The following KIAA0825 variants were observed in gnomAD, a reference collection of about 807,000 sequenced individuals.
KIAA0825 encodes the protein KIAA0825.
Under a neutral mutation model 147.6 loss-of-function variants are expected in KIAA0825, and 119 were observed. The ratio of observed to expected loss-of-function variants is 0.81; its 90% CI spans 0.69 to 0.94. The LOEUF (loss-of-function observed/expected upper bound fraction) is 0.94. Ranked by LOEUF, KIAA0825 falls within the 40% of genes least tolerant of loss-of-function variation. The pLI is 0.00. For synonymous variants in KIAA0825, 470 were observed against 518.1 expected (o/e 0.91, Z 1.26); for missense variants, 1,381 against 1,472.7 (o/e 0.94, Z 1.02).
intron 20 of KIAA0825, among the ~76,000 whole-genome samples, chr5:94,290,971 G>C (rs1777863561): frequency 6.6e-6 from 1 of 152,040 alleles, no homozygotes; most frequent in African/African-American, 2.4e-5. Context: ...CCCACTTTTT[G>C]ATACAGTTGT....
intron 20 of KIAA0825, among the ~76,000 whole-genome samples, chr5:94,212,183 A>C (rs1330098139): frequency 1.3e-5 from 2 of 152,218 alleles, no homozygotes; most frequent in African/African-American, 4.8e-5. Context: ...TGCCTGAAAG[A>C]AGAAATATTT....
At chr5:94,551,410 T>C (rs923052449) in intron 2 of KIAA0825, among the ~76,000 whole-genome samples, 2 of 152,014 alleles carry the variant, frequency 1.3e-5, no homozygotes, top group Non-Finnish European at 2.9e-5. Flanking sequence ...CCCTGAGGCA[T>C]ATAGTAGTGA....
At chr5:94,383,416 C>T (rs977774587) in intron 20 of KIAA0825, among the ~76,000 whole-genome samples, 1 of 152,058 alleles carries the variant, frequency 6.6e-6, no homozygotes, top group African/African-American at 2.4e-5. Flanking sequence ...AATGATTTGA[C>T]AATTCTACTA....
In KIAA0825 at chr5:94,153,351, GGCA is replaced by G. The variant is rs1309396996; in HGVS notation, c.*653_*655del. 6.6e-6 allele frequency: 1 copy of G among 152,018 alleles called. No individual in the cohort carries two copies. The highest frequency in any genetic ancestry group is 1.5e-5 in the Non-Finnish European group (1 of 68,006). 9.4% of individuals were successfully genotyped at this position (152,018 alleles called of 1,614,324 possible). A position where few individuals can be genotyped will look rare whatever the true frequency, so the allele number is the denominator to read the frequency against. On this transcript the variant is annotated 3_prime_UTR_variant, in exon 21 of 21. Coordinates refer to ENST00000682413, the MANE Select transcript of KIAA0825 (RefSeq NM_001145678.3). ...AGCATGTGACTTGAACCAAGAGGAT[GGCA>G]AGCAATTGTCTGAACATGGAGCCAT...
chr5:94,244,401 T>C (rs1176451045), intron 20 of KIAA0825, among the ~76,000 whole-genome samples: 1 of 152,148 alleles, frequency 6.6e-6, no homozygotes, highest in East Asian at 1.9e-4. Context: ...GCCATGATCA[T>C]AGCTCACTGT....
chr5:94,170,781 G>A (rs1289616640), intron 20 of KIAA0825, among the ~76,000 whole-genome samples: 1 of 152,206 alleles, frequency 6.6e-6, no homozygotes, highest in African/African-American at 2.4e-5. Context: ...TCACAAAACA[G>A]GCCCTGGATC....
intron 2 of KIAA0825, among the ~76,000 whole-genome samples, chr5:94,574,843 A>C (rs1186709970): frequency 6.6e-6 from 1 of 152,128 alleles, no homozygotes; most frequent in Non-Finnish European, 1.5e-5. Flanking sequence ...CTCCTGCCTC[A>C]GCCTCACAAA....
chr5:94,217,109 G>A (rs1225028674), intron 20 of KIAA0825, among the ~76,000 whole-genome samples: 1 of 152,136 alleles, frequency 6.6e-6, no homozygotes, highest in Non-Finnish European at 1.5e-5. Context: ...ACATGTAGGA[G>A]TTGAGTATGA....
At chr5:94,348,638 T>G (rs1783282706) in intron 20 of KIAA0825, among the ~76,000 whole-genome samples, 1 of 152,068 alleles carries the variant, frequency 6.6e-6, no homozygotes, top group African/African-American at 2.4e-5. Flanking sequence ...TTCATGCAAA[T>G]GGACACCAAA....
At chr5:94,239,652 A>G (rs1429419636) in intron 20 of KIAA0825, among the ~76,000 whole-genome samples, 2 of 152,242 alleles carry the variant, frequency 1.3e-5, no homozygotes, top group African/African-American at 4.8e-5. Context: ...AAGTAAATAC[A>G]TGAGGTTTGA....
intron 20 of KIAA0825, among the ~76,000 whole-genome samples, chr5:94,250,478 A>G (rs1422289650): frequency 1.3e-5 from 2 of 152,162 alleles, no homozygotes; most frequent in African/African-American, 4.8e-5. Context: ...GAGTAGTTAT[A>G]TAACAAAAAA....
intron 13 of KIAA0825, among the ~76,000 whole-genome samples, chr5:94,445,574 A>G (rs1175938861): frequency 6.6e-6 from 1 of 152,154 alleles, no homozygotes; most frequent in Non-Finnish European, 1.5e-5. Context: ...GAACTGAATC[A>G]CTCCTAGGCT....
intron 2 of KIAA0825, among the ~76,000 whole-genome samples, chr5:94,563,564 G>C (rs1157606658): frequency 1.3e-5 from 2 of 152,124 alleles, no homozygotes; most frequent in Middle Eastern, 3.2e-3. Flanking sequence ...AGAAATATTA[G>C]AATAAAAGTT....
chr5:94,520,824 T>C lies in KIAA0825; in HGVS notation c.394A>G (p.Thr132Ala). The C allele has an allele frequency of 1.9e-6, 3 of 1,613,132 alleles. No individual in the cohort carries two copies. The highest frequency in any genetic ancestry group is 2.5e-6 in the Non-Finnish European group (3 of 1,179,368). Residue 132 changes from threonine to alanine, a missense_variant, in exon 5 of 21, where the codon ACC (threonine) becomes GCC (alanine). Thr to Ala is a moderately conservative substitution (Grantham distance 58). Coordinates refer to ENST00000682413, the MANE Select transcript of KIAA0825 (RefSeq NM_001145678.3). ...SCHSSVSFPS[T>A]LSGTSFHFLS... Reference sequence around the variant, plus strand: ...AAATGGAAAGATGTTCCACTTAGGGTTGATGGGAATGAAACGCTGCTGTGG... The same window carrying C: ...AAATGGAAAGATGTTCCACTTAGGGCTGATGGGAATGAAACGCTGCTGTGG...
chr5:94,261,929 A>G (rs571496266), intron 20 of KIAA0825, among the ~76,000 whole-genome samples: 1 of 152,146 alleles, frequency 6.6e-6, no homozygotes, highest in Non-Finnish European at 1.5e-5. Context: ...TTACAGTAGG[A>G]CAGATCCTTC....
rs1327580536 is a variant in KIAA0825 at position 94,357,847 on chromosome 5, A to C, written c.3710+26521T>G. The stretch of plus-strand genomic sequence containing the variant: ...CAAGTCAAAAAGCATGTAAAACTAG[A>C]CAAAAGACGTATTCAAGTAACATGA... On this transcript the variant is annotated intron_variant, in intron 20 of 20. Coordinates refer to ENST00000682413, the MANE Select transcript of KIAA0825 (RefSeq NM_001145678.3). Among the ~76,000 whole-genome samples the C allele has an allele frequency of 2.6e-5, 4 of 152,154 alleles. No individual in the cohort carries two copies. The East Asian group carries it at 7.7e-4, about 29-fold the overall frequency.
chr5:94,471,302 C>G lies in KIAA0825; in HGVS notation c.1721+164G>C, dbSNP rs1485809606. 3.3e-5 allele frequency among the ~76,000 whole-genome samples: 5 copies of G among 152,108 alleles called. No homozygotes were observed. In the East Asian group the frequency reaches 7.7e-4, roughly 23 times the overall value. ...TATCTAGTTTAATATATCCCATGCT[C>G]CACCTTTTTGATATTTCCTAGTTAA... On this transcript the variant is annotated intron_variant, in intron 9 of 20. Transcript: ENST00000682413.
intron 1 of KIAA0825, chr5:94,592,695 C>A: frequency 3.5e-6 from 1 of 285,336 alleles, no homozygotes. Flanking sequence ...AAAACAGTTC[C>A]TTTTATCCCT....
chr5:94,171,503 T>C (rs1406703095), intron 20 of KIAA0825, among the ~76,000 whole-genome samples: 1 of 152,206 alleles, frequency 6.6e-6, no homozygotes, highest in Non-Finnish European at 1.5e-5. Context: ...GGTAGAGACC[T>C]TGTTTATCAT....
Sources: gnomAD v4.1 joint callset for allele counts (sites outside exome capture counted in the v4.1 genomes callset) on GRCh38, gnomAD v4.1.1 for gene constraint, MANE v1.5 for transcripts, NCBI Gene and HGNC (gene_info 2026-07-23, HGNC 2026-07-21) for gene names.